Variants in NBAS observed in about 807,000 individuals in gnomAD.
NBAS encodes NBAS subunit of NRZ tethering complex, also known as NAG/BC035112 fusion.
NBAS carries 219 observed loss-of-function variants against 302.5 expected under a neutral mutation model. That is an observed-to-expected ratio of 0.72 (90% confidence interval 0.65 to 0.81). The LOEUF (loss-of-function observed/expected upper bound fraction) is 0.81, where lower values mean the gene tolerates loss of function less well. Ranked by LOEUF, NBAS falls within the 30% of genes least tolerant of loss-of-function variation. The pLI, the probability that NBAS is intolerant of heterozygous loss-of-function variation, is 0.00. For synonymous variants in NBAS, 1,118 were observed against 1,021.6 expected (o/e 1.09, Z -1.80); for missense variants, 2,932 against 2,841.6 (o/e 1.03, Z -0.72).
chr2:15,518,185 T>G (rs562321103), intron 9 of NBAS, among the ~76,000 whole-genome samples: 1 of 150,618 alleles, frequency 6.6e-6, no homozygotes, highest in African/African-American at 2.4e-5. Flanking sequence ...AACCCACAAG[T>G]GTAGTGAAAT....
the NBAS span, among the ~76,000 whole-genome samples, chr2:15,042,169 G>A: frequency 2.6e-5 from 4 of 152,204 alleles, no homozygotes; most frequent in Non-Finnish European, 5.9e-5. Context: ...CAAGGAAGGA[G>A]GCAAACCTAG....
intron 44 of NBAS, among the ~76,000 whole-genome samples, chr2:15,251,750 G>A (rs1668374261): frequency 6.6e-6 from 1 of 152,166 alleles, no homozygotes; most frequent in Admixed American, 6.5e-5. Flanking sequence ...TGGTTTTGGT[G>A]GCTTTTAGCT....
At chr2:15,034,603 A>G in the NBAS span, among the ~76,000 whole-genome samples, 11 of 152,236 alleles carry the variant, frequency 7.2e-5, no homozygotes, top group African/African-American at 2.4e-4. Context: ...TACACTCAGC[A>G]ATAACTTCCA....
chr2:14,984,719 C>T, the NBAS span, among the ~76,000 whole-genome samples: 1 of 152,164 alleles, frequency 6.6e-6, no homozygotes, highest in Non-Finnish European at 1.5e-5. Flanking sequence ...GATGTGATCA[C>T]AGAAGAGTTA....
chr2:15,374,821 C>T (rs1572741668), intron 30 of NBAS, 101 bp from the exon 31 acceptor site: 1 of 1,013,582 alleles, frequency 9.9e-7, no homozygotes, highest in Non-Finnish European at 1.5e-6. Flanking sequence ...AAATCTACCA[C>T]ATCCCAGGAA....
intron 50 of NBAS, among the ~76,000 whole-genome samples, chr2:15,183,770 T>C (rs190407546): frequency 1.3e-5 from 2 of 152,278 alleles, no homozygotes; most frequent in Admixed American, 1.3e-4. Flanking sequence ...CTAGTCTTAA[T>C]AAAGAGCAGA....
At chr2:14,976,460 T>C in the NBAS span, among the ~76,000 whole-genome samples, 1 of 152,182 alleles carries the variant, frequency 6.6e-6, no homozygotes, top group African/African-American at 2.4e-5. Flanking sequence ...CTGACCAAAG[T>C]AGATGGAGCT....
At chr2:14,838,792 A>G in the NBAS span, among the ~76,000 whole-genome samples, 5 of 152,098 alleles carry the variant, frequency 3.3e-5, no homozygotes, top group Admixed American at 2.0e-4. Context: ...TACCACACAC[A>G]TAACTTTAAG....
At chr2:15,382,119 T>C (rs1283838279) in intron 29 of NBAS, among the ~76,000 whole-genome samples, 1 of 151,612 alleles carries the variant, frequency 6.6e-6, no homozygotes, top group Non-Finnish European at 1.5e-5. Context: ...TATATATTGG[T>C]AAACTGCCTT....
At chr2:15,501,645 A>G (rs991687751) in intron 11 of NBAS, among the ~76,000 whole-genome samples, 1 of 135,116 alleles carries the variant, frequency 7.4e-6, no homozygotes, top group Non-Finnish European at 1.5e-5. Flanking sequence ...GCTGGAGTGC[A>G]GTGGCAGGAT....
chr2:14,972,475 T>C, the NBAS span, among the ~76,000 whole-genome samples: 1 of 152,166 alleles, frequency 6.6e-6, no homozygotes, highest in Non-Finnish European at 1.5e-5. Context: ...TGTCAAATGG[T>C]ACCCTCTGTT....
rs1156350526 is a variant in NBAS at position 15,461,921 on chromosome 2, T to C, written c.2098-130A>G. 3 of 636,758 alleles carry C rather than the reference T, an allele frequency of 4.7e-6. No individual in the cohort carries two copies. The African/African-American group carries it at 5.5e-5, about 12-fold the overall frequency. The allele number at this position is 636,758 out of a possible 1,614,324, so 39.4% of individuals were successfully genotyped here. On this transcript the variant is annotated intron_variant, in intron 19 of 51. Transcript: ENST00000281513. ...GGCCTGAATTAATTAATTTCAACCA[T>C]CAATTGTTAACTAAAGTACTACATC...
the NBAS span, among the ~76,000 whole-genome samples, chr2:14,841,500 CAAA>C: frequency 1.6e-5 from 2 of 122,048 alleles, no homozygotes; most frequent in Non-Finnish European, 1.9e-5. Flanking sequence ...CAACTGGAAA[CAAA>C]AAAAAAAAAA....
the NBAS span, among the ~76,000 whole-genome samples, chr2:14,800,785 G>GTTTTTTTTTTTTTT: frequency 1.5e-5 from 2 of 129,518 alleles, no homozygotes; most frequent in Non-Finnish European, 1.6e-5. Flanking sequence ...GATTTAAATT[G>GTTTTTTTTTTTTTT]TTTTTGTTTT....
intron 9 of NBAS, among the ~76,000 whole-genome samples, chr2:15,522,098 G>T (rs930444775): frequency 6.6e-6 from 1 of 152,172 alleles, no homozygotes; most frequent in Non-Finnish European, 1.5e-5. Flanking sequence ...TATCCCAAGG[G>T]CTAAAGAAAA....
the NBAS span, among the ~76,000 whole-genome samples, chr2:14,839,257 T>C: frequency 1.3e-5 from 2 of 151,958 alleles, no homozygotes; most frequent in Non-Finnish European, 2.9e-5. Flanking sequence ...ATGATGCCCC[T>C]CTGCCCAATC....
the NBAS span, among the ~76,000 whole-genome samples, chr2:14,781,770 A>G: frequency 6.6e-6 from 1 of 151,458 alleles, no homozygotes; most frequent in Admixed American, 6.6e-5. Context: ...ACTGGCATTA[A>G]GTGTGTTTAA....
the NBAS span, among the ~76,000 whole-genome samples, chr2:14,815,674 C>T: frequency 2.0e-5 from 3 of 152,186 alleles, no homozygotes; most frequent in Admixed American, 6.5e-5. Context: ...GAAGCCCAGA[C>T]ATCTCTTCTG....
chr2:14,785,619 C>T, the NBAS span, among the ~76,000 whole-genome samples: 1 of 152,126 alleles, frequency 6.6e-6, no homozygotes, highest in Non-Finnish European at 1.5e-5. Flanking sequence ...TGCTGGATTA[C>T]ATTTATTGAT....
Sources: gnomAD v4.1 joint callset for allele counts (sites outside exome capture counted in the v4.1 genomes callset) on GRCh38, gnomAD v4.1.1 for gene constraint, MANE v1.5 for transcripts, NCBI Gene and HGNC (gene_info 2026-07-23, HGNC 2026-07-21) for gene names.